The following PTPRD variants were observed in gnomAD, a reference collection of about 807,000 sequenced individuals.
PTPRD encodes the protein receptor-type tyrosine-protein phosphatase delta.
A neutral mutation model predicts 214.5 loss-of-function variants in PTPRD; 34 were observed. That is an observed-to-expected ratio of 0.16 (90% CI 0.12 to 0.21). The LOEUF (loss-of-function observed/expected upper bound fraction) is 0.21, where lower values mean the gene tolerates loss of function less well. Among genes scored for constraint, PTPRD ranks in the 10% least tolerant of loss-of-function variants. The pLI, the probability that PTPRD is intolerant of heterozygous loss-of-function variation, is 1.00. For synonymous variants in PTPRD, 1,128 were observed against 845.7 expected (o/e 1.33, Z -5.79); for missense variants, 2,545 against 2,398.7 (o/e 1.06, Z -1.27).
chr9:9,450,817 C>A (rs1588779654), intron 8 of PTPRD, among the ~76,000 whole-genome samples: 1 of 151,314 alleles, frequency 6.6e-6, no homozygotes, highest in Non-Finnish European at 1.5e-5. Context: ...GAGTTTACTA[C>A]CAACCATTTT....
chr9:8,664,996 T>A (rs1338523835), intron 12 of PTPRD, among the ~76,000 whole-genome samples: 1 of 152,212 alleles, frequency 6.6e-6, no homozygotes, highest in Non-Finnish European at 1.5e-5. Flanking sequence ...AAATACTTCA[T>A]GCTTTCTTAG....
chr9:9,811,399 G>A (rs1048431611), intron 5 of PTPRD, among the ~76,000 whole-genome samples: 1 of 152,088 alleles, frequency 6.6e-6, no homozygotes, highest in Non-Finnish European at 1.5e-5. Flanking sequence ...ATGAGAAGTT[G>A]CTTCTTAAGG....
At chr9:10,461,087 C>T (rs939466076) in intron 2 of PTPRD, among the ~76,000 whole-genome samples, 2 of 151,788 alleles carry the variant, frequency 1.3e-5, no homozygotes, top group Non-Finnish European at 1.5e-5. Context: ...ACAAAAGACT[C>T]GAATAGACAT....
chr9:10,219,705 C>G (rs2099557117), intron 3 of PTPRD, among the ~76,000 whole-genome samples: 1 of 151,674 alleles, frequency 6.6e-6, no homozygotes, highest in African/African-American at 2.4e-5. Context: ...ACATAAAAAT[C>G]ACTAGTAATA....
At chr9:10,362,329 C>T (rs2097408771) in intron 2 of PTPRD, among the ~76,000 whole-genome samples, 1 of 121,246 alleles carries the variant, frequency 8.2e-6, no homozygotes, top group Non-Finnish European at 1.7e-5. Flanking sequence ...AATCCTCTGA[C>T]AGAGAAATTT....
At chr9:9,012,262 C>T (rs73640981) in intron 11 of PTPRD, among the ~76,000 whole-genome samples, 4,498 of 152,240 alleles carry the variant, frequency 0.03, 156 homozygotes, top group African/African-American at 0.089. Context: ...GAGAACCAAG[C>T]CCTGGCTGAC....
chr9:10,091,880 TTC>T (rs1206768494), intron 3 of PTPRD, among the ~76,000 whole-genome samples: 2 of 151,408 alleles, frequency 1.3e-5, no homozygotes, highest in African/African-American at 4.8e-5. Flanking sequence ...CCTGTCCTTT[TTC>T]TCTCCCGGAA....
chr9:10,251,513 T>A (rs2092766694), intron 3 of PTPRD, among the ~76,000 whole-genome samples: 1 of 152,160 alleles, frequency 6.6e-6, no homozygotes, highest in South Asian at 2.1e-4. Context: ...CTTAGCTCTG[T>A]TTTCTAATCT....
Position 8,738,273 on chromosome 9 carries a change from C to G in PTPRD, c.-103-4327G>C, listed in dbSNP as rs79408460. On this transcript the variant is annotated intron_variant, in intron 11 of 45. Coordinates refer to ENST00000381196, the MANE Select transcript of PTPRD (RefSeq NM_002839.4). ...GCGATCACATAAAGTGACACCTATC[C>G]AACTCTTTTTCTTCAACTTACCATT... 2.6e-3 allele frequency among the ~76,000 whole-genome samples: 393 copies of G among 152,266 alleles called. 2 individuals carry two copies. The highest frequency in any genetic ancestry group is 2.9e-3 in the Non-Finnish European group (200 of 68,028).
chr9:9,453,054 T>G (rs865934314), intron 8 of PTPRD, among the ~76,000 whole-genome samples: 23 of 149,572 alleles, frequency 1.5e-4, no homozygotes, highest in African/African-American at 5.4e-4. Flanking sequence ...ATACTGGAAA[T>G]TTAATATCCA....
chr9:8,669,332 G>T (rs189897939), intron 12 of PTPRD, among the ~76,000 whole-genome samples: 1 of 152,226 alleles, frequency 6.6e-6, no homozygotes, highest in East Asian at 1.9e-4. Context: ...TCTCCTGAAG[G>T]CTGGGGTAGA....
intron 3 of PTPRD, among the ~76,000 whole-genome samples, chr9:10,193,639 C>G (rs1043940118): frequency 6.6e-6 from 1 of 152,084 alleles, no homozygotes; most frequent in Non-Finnish European, 1.5e-5. Flanking sequence ...AGATTCTTTT[C>G]AGGATGCCAA....
At chr9:8,520,780 G>A (rs1306472229) in intron 20 of PTPRD, among the ~76,000 whole-genome samples, 1 of 152,080 alleles carries the variant, frequency 6.6e-6, no homozygotes, top group Non-Finnish European at 1.5e-5. Context: ...ACTCTTACTT[G>A]CCTTTTGATT....
intron 8 of PTPRD, among the ~76,000 whole-genome samples, chr9:9,460,364 G>A (rs752629560): frequency 2.2e-4 from 34 of 151,916 alleles, no homozygotes; most frequent in Admixed American, 7.2e-4. Context: ...CTTCTGTTCC[G>A]CAAGAGAAAC....
At chr9:9,649,525 G>A (rs2096280029) in intron 7 of PTPRD, among the ~76,000 whole-genome samples, 1 of 152,064 alleles carries the variant, frequency 6.6e-6, no homozygotes. Context: ...AAAAATGATA[G>A]ATTAGTCTAT....
At chr9:8,618,863 A>ATTTTGT (rs1171457042) in intron 14 of PTPRD, among the ~76,000 whole-genome samples, 1 of 91,860 alleles carries the variant, frequency 1.1e-5, no homozygotes, top group African/African-American at 4.4e-5. Context: ...CACCCAGCTA[A>ATTTTGT]TTTTGTGTGT....
intron 10 of PTPRD, among the ~76,000 whole-genome samples, chr9:9,140,719 C>T (rs898648293): frequency 3.9e-5 from 6 of 152,202 alleles, no homozygotes; most frequent in African/African-American, 1.2e-4. Context: ...GCTGGGACTA[C>T]AGGTGCCCGC....
At chr9:8,687,741 G>T (rs1565283934) in intron 12 of PTPRD, among the ~76,000 whole-genome samples, 1 of 145,950 alleles carries the variant, frequency 6.9e-6, no homozygotes, top group African/African-American at 2.5e-5. Context: ...TAAAATAAGA[G>T]TTTTTTTTTT....
intron 3 of PTPRD, among the ~76,000 whole-genome samples, chr9:10,302,407 C>T (rs2095889551): frequency 1.3e-5 from 2 of 152,164 alleles, no homozygotes; most frequent in Admixed American, 1.3e-4. Context: ...ATCAAATTCA[C>T]ACATAACAAT....
Sources: allele counts gnomAD v4.1 joint callset (sites outside exome capture counted in the v4.1 genomes callset), GRCh38; gene constraint gnomAD v4.1.1; transcripts MANE v1.5; gene names NCBI Gene and HGNC (gene_info 2026-07-23, HGNC 2026-07-21).